The following MARCHF1 variants were observed in gnomAD, a reference collection of about 807,000 sequenced individuals.
MARCHF1 encodes membrane associated ring-CH-type finger 1.
In MARCHF1, 40 loss-of-function variants were observed where a neutral mutation model predicts 54.2. The observed-to-expected ratio is 0.74, with a 90% confidence interval of 0.57 to 0.96. The LOEUF (loss-of-function observed/expected upper bound fraction) is 0.96, where lower values mean the gene tolerates loss of function less well. Among genes scored for constraint, MARCHF1 ranks in the 40% least tolerant of loss-of-function variants. The pLI is 0.00. For missense variants in MARCHF1, 586 were observed against 656.5 expected (o/e 0.89, Z 1.17); for synonymous variants, 236 against 236.3 (o/e 1.00, Z 0.01).
At chr4:163,661,304 C>T (rs1028261835) in intron 5 of MARCHF1, among the ~76,000 whole-genome samples, 8 of 152,122 alleles carry the variant, frequency 5.3e-5, no homozygotes, top group East Asian at 1.9e-4. Context: ...TCTCCACACT[C>T]GAATACATCA....
At chr4:164,195,069 T>C (rs1173147512) in intron 1 of MARCHF1, among the ~76,000 whole-genome samples, 1 of 152,072 alleles carries the variant, frequency 6.6e-6, no homozygotes, top group African/African-American at 2.4e-5. Context: ...GTGATGTGTT[T>C]AGTTTTCTGC....
At chr4:163,633,851 G>A (rs543663181) in intron 5 of MARCHF1, among the ~76,000 whole-genome samples, 74 of 152,294 alleles carry the variant, frequency 4.9e-4, no homozygotes, top group South Asian at 2.9e-3. Flanking sequence ...AGAGAGAAAG[G>A]TCGGGTTACC....
intron 5 of MARCHF1, among the ~76,000 whole-genome samples, chr4:163,676,035 C>G (rs1307957964): frequency 1.3e-5 from 2 of 151,716 alleles, no homozygotes; most frequent in East Asian, 3.9e-4. Context: ...TATTTCTACT[C>G]AATCTATGTC....
chr4:163,750,808 C>T (rs948624816), intron 4 of MARCHF1, among the ~76,000 whole-genome samples: 2 of 152,094 alleles, frequency 1.3e-5, no homozygotes, highest in African/African-American at 4.8e-5. Context: ...ACTAAATCCA[C>T]TAATGTAGAA....
intron 5 of MARCHF1, among the ~76,000 whole-genome samples, chr4:163,647,692 TAA>T (rs201720545): frequency 0.012 from 1,882 of 151,354 alleles, 40 homozygotes; most frequent in African/African-American, 0.042. Flanking sequence ...AAAAGAAAAA[TAA>T]AAGAGTCTTG....
At chr4:164,312,228 A>C (rs941498990) in intron 1 of MARCHF1, among the ~76,000 whole-genome samples, 3 of 152,102 alleles carry the variant, frequency 2.0e-5, no homozygotes, top group Admixed American at 1.3e-4. Context: ...TGAATAGGTC[A>C]CATTTGGGAT....
chr4:164,095,211 G>A (rs1579528096), intron 2 of MARCHF1, among the ~76,000 whole-genome samples: 1 of 152,010 alleles, frequency 6.6e-6, no homozygotes, highest in Non-Finnish European at 1.5e-5. Context: ...ATACTCCAGG[G>A]CCTATTCCTC....
rs187225927 is a variant in MARCHF1 at position 163,790,070 on chromosome 4, T to C, written c.111+63951A>G. Reference sequence around the variant, plus strand: ...AATTTTCATCTTTTCAAATATTTCATTGATTATCATCCATTTTATAGATTT... The same window carrying C: ...AATTTTCATCTTTTCAAATATTTCACTGATTATCATCCATTTTATAGATTT... On this transcript the variant is annotated intron_variant, in intron 4 of 9. Transcript: ENST00000514618. Among the ~76,000 whole-genome samples the C allele has an allele frequency of 4.7e-4, 72 of 152,238 alleles. 1 individual carries two copies. Among genetic ancestry groups the C allele is most frequent in the African/African-American group, 1.6e-3 (67 of 41,568 alleles).
intron 1 of MARCHF1, among the ~76,000 whole-genome samples, chr4:164,372,444 G>T (rs1045564197): frequency 6.6e-6 from 1 of 151,998 alleles, no homozygotes; most frequent in Non-Finnish European, 1.5e-5. Flanking sequence ...TATATATTTT[G>T]GATACATTTC....
chr4:164,117,161 G>T (rs1379719768), intron 1 of MARCHF1, among the ~76,000 whole-genome samples: 1 of 152,028 alleles, frequency 6.6e-6, no homozygotes, highest in African/African-American at 2.4e-5. Context: ...GGGAGGCTGA[G>T]ACAGGAGAAT....
chr4:164,130,734 C>T (rs187447323), intron 1 of MARCHF1, among the ~76,000 whole-genome samples: 1 of 152,260 alleles, frequency 6.6e-6, no homozygotes, highest in East Asian at 1.9e-4. Flanking sequence ...TGAGTGGCCA[C>T]ACCTTGTGAA....
At chr4:164,325,367 A>C (rs1282361576) in intron 1 of MARCHF1, among the ~76,000 whole-genome samples, 1 of 149,664 alleles carries the variant, frequency 6.7e-6, no homozygotes, top group East Asian at 2.0e-4. Flanking sequence ...TTGCACAGAC[A>C]TTTGTGAGAA....
chr4:164,142,465 C>A (rs1459000125), intron 1 of MARCHF1, among the ~76,000 whole-genome samples: 1 of 152,170 alleles, frequency 6.6e-6, no homozygotes, highest in Admixed American at 6.5e-5. Context: ...CAGCACGCAG[C>A]TGGAGATCTG....
chr4:163,912,624 C>T (rs1751218577), intron 3 of MARCHF1, among the ~76,000 whole-genome samples: 1 of 152,102 alleles, frequency 6.6e-6, no homozygotes, highest in Non-Finnish European at 1.5e-5. Context: ...AGTTTCTACT[C>T]AATTATATGG....
chr4:164,050,198 C>T (rs1207707773), intron 2 of MARCHF1, among the ~76,000 whole-genome samples: 1 of 147,372 alleles, frequency 6.8e-6, no homozygotes, highest in Admixed American at 7.1e-5. Flanking sequence ...TCGCTTGAAC[C>T]CAGGAGGTGG....
chr4:163,703,999 T>G (rs756488878), intron 4 of MARCHF1, among the ~76,000 whole-genome samples: 7 of 152,006 alleles, frequency 4.6e-5, no homozygotes, highest in Non-Finnish European at 1.0e-4. Flanking sequence ...CGAAGTGGTC[T>G]GTCCTAACAA....
At chr4:163,893,677 T>C (rs537505510) in intron 3 of MARCHF1, among the ~76,000 whole-genome samples, 16 of 152,272 alleles carry the variant, frequency 1.1e-4, no homozygotes, top group African/African-American at 3.9e-4. Flanking sequence ...GAGAAAACAT[T>C]AAAAAATGTA....
At chr4:163,872,826 T>C (rs1001239336) in intron 3 of MARCHF1, among the ~76,000 whole-genome samples, 4 of 151,580 alleles carry the variant, frequency 2.6e-5, no homozygotes, top group Admixed American at 6.6e-5. Context: ...GGGCGGATCA[T>C]GAGGTCAGGA....
chr4:163,909,647 C>T (rs982426280), intron 3 of MARCHF1, among the ~76,000 whole-genome samples: 2 of 152,108 alleles, frequency 1.3e-5, no homozygotes, highest in East Asian at 3.9e-4. Flanking sequence ...AAAATAAAGT[C>T]TTATCTTCCA....
Sources: gnomAD v4.1 joint callset for allele counts (sites outside exome capture counted in the v4.1 genomes callset) on GRCh38, gnomAD v4.1.1 for gene constraint, MANE v1.5 for transcripts, NCBI Gene and HGNC (gene_info 2026-07-23, HGNC 2026-07-21) for gene names.